IFT43: variants seen among roughly 807,000 people sequenced by gnomAD.
The protein encoded by IFT43 is intraflagellar transport protein 43 homolog.
Under a neutral mutation model 32.3 loss-of-function variants are expected in IFT43, and 33 were observed. That is an observed-to-expected ratio of 1.02 (90% CI 0.77 to 1.37). The LOEUF is 1.37. Among genes scored for constraint, IFT43 ranks in the 40% most tolerant of loss-of-function variants. IFT43 has a pLI of 0.00. For synonymous variants in IFT43, 93 were observed against 98.2 expected (o/e 0.95, Z 0.31); for missense variants, 274 against 265.9 (o/e 1.03, Z -0.21).
downstream of IFT43, chr14:76,083,835 C>G (rs1458990324): frequency 6.4e-6 from 4 of 620,884 alleles, no homozygotes; most frequent in Non-Finnish European, 1.2e-5. Context: ...TCAGAACTCG[C>G]GGCCTTGTTG....
intron 3 of IFT43, among the ~76,000 whole-genome samples, chr14:76,048,894 A>G (rs1474342463): frequency 1.3e-5 from 2 of 152,224 alleles, no homozygotes; most frequent in African/African-American, 2.4e-5. Context: ...CATGCCAGCA[A>G]CCAGAACTGA....
intron 5 of IFT43, among the ~76,000 whole-genome samples, chr14:76,079,325 T>C (rs2037466670): frequency 6.6e-6 from 1 of 152,246 alleles, no homozygotes; most frequent in African/African-American, 2.4e-5. Flanking sequence ...TATGTAATAT[T>C]ATAATATCGG....
intron 3 of IFT43, among the ~76,000 whole-genome samples, chr14:76,052,128 A>G (rs1369231876): frequency 6.6e-6 from 1 of 151,982 alleles, no homozygotes; most frequent in African/African-American, 2.4e-5. Flanking sequence ...AAGAGACTTC[A>G]AGGACGCTTC....
intron 3 of IFT43, among the ~76,000 whole-genome samples, chr14:76,028,132 C>A (rs2036439823): frequency 6.6e-6 from 1 of 151,874 alleles, no homozygotes; most frequent in Admixed American, 6.6e-5. Flanking sequence ...TCAGCTGATC[C>A]CTTGGTTGGC....
At chr14:76,036,693 C>T (rs1366157656) in intron 3 of IFT43, among the ~76,000 whole-genome samples, 1 of 152,174 alleles carries the variant, frequency 6.6e-6, no homozygotes, top group Non-Finnish European at 1.5e-5. Context: ...GCGTGAGCCA[C>T]CATGCCTGGC....
At chr14:76,011,951 A>G (rs1258538648) in intron 2 of IFT43, among the ~76,000 whole-genome samples, 1 of 152,194 alleles carries the variant, frequency 6.6e-6, no homozygotes, top group Non-Finnish European at 1.5e-5. Flanking sequence ...CATATAAAGA[A>G]CAACTTTCTT....
At chr14:75,995,139 A>T (rs946357556) in intron 2 of IFT43, among the ~76,000 whole-genome samples, 1 of 152,136 alleles carries the variant, frequency 6.6e-6, no homozygotes, top group Non-Finnish European at 1.5e-5. Context: ...TCTTATCATC[A>T]TGTTGTACAT....
chr14:76,001,468 T>C (rs1469070994), intron 2 of IFT43, among the ~76,000 whole-genome samples: 1 of 152,122 alleles, frequency 6.6e-6, no homozygotes, highest in Non-Finnish European at 1.5e-5. Context: ...AGGCATGCGA[T>C]ATAGATTTGA....
intron 3 of IFT43, among the ~76,000 whole-genome samples, chr14:76,042,611 G>A (rs1166089976): frequency 6.6e-6 from 1 of 152,264 alleles, no homozygotes; most frequent in Non-Finnish European, 1.5e-5. Context: ...GGTGAGTGCA[G>A]AGGATGCAGC....
intron 2 of IFT43, chr14:76,013,846 TCCAGCAGAGTA>T (rs1285027993): frequency 4.0e-6 from 1 of 251,832 alleles, no homozygotes. Context: ...AGATCAGATT[TCCAGCAGAGTA>T]CCCATTTAAA....
At chr14:76,002,863 T>C (rs1274743519) in intron 2 of IFT43, among the ~76,000 whole-genome samples, 1 of 152,224 alleles carries the variant, frequency 6.6e-6, no homozygotes, top group African/African-American at 2.4e-5. Flanking sequence ...TTGAAAGAGC[T>C]GCGAGAGCAA....
At chr14:75,989,106 G>T in intron 2 of IFT43, 129 bp downstream of exon 2, 1 of 1,192,096 alleles carries the variant, frequency 8.4e-7, no homozygotes, top group Non-Finnish European at 1.2e-6. Flanking sequence ...CTTGATTTGG[G>T]AATTCCCTTC....
At chr14:76,067,591 A>AAC (rs1400252479) in intron 5 of IFT43, among the ~76,000 whole-genome samples, 1 of 151,888 alleles carries the variant, frequency 6.6e-6, no homozygotes, top group Non-Finnish European at 1.5e-5. Context: ...AAAAAAAAAA[A>AAC]AGAGAGAAGG....
chr14:76,051,911 C>G (rs901079796), intron 3 of IFT43, among the ~76,000 whole-genome samples: 7 of 152,164 alleles, frequency 4.6e-5, no homozygotes, highest in African/African-American at 1.4e-4. Context: ...GCGTTTCTTT[C>G]ACCTGCAACA....
chr14:76,077,188 A>C (rs561117668), intron 5 of IFT43, among the ~76,000 whole-genome samples: 1 of 150,460 alleles, frequency 6.6e-6, no homozygotes, highest in South Asian at 2.1e-4. Flanking sequence ...CTTTGTCTCC[A>C]CACATCCCTT....
chr14:76,045,164 C>T (rs747080782), intron 3 of IFT43, among the ~76,000 whole-genome samples: 2 of 152,152 alleles, frequency 1.3e-5, no homozygotes, highest in Non-Finnish European at 2.9e-5. Flanking sequence ...CTTAAGGGCT[C>T]ACTCATCCTC....
chr14:76,041,256 A>G (rs956944868), intron 3 of IFT43, among the ~76,000 whole-genome samples: 4 of 152,252 alleles, frequency 2.6e-5, no homozygotes, highest in Non-Finnish European at 5.9e-5. Flanking sequence ...CAGCAGGTCA[A>G]TTATTGGAGC....
chr14:75,991,865 AG>A (rs1393537894), intron 2 of IFT43, among the ~76,000 whole-genome samples: 1 of 152,198 alleles, frequency 6.6e-6, no homozygotes, highest in Non-Finnish European at 1.5e-5. Context: ...AGGTTTAAAC[AG>A]TGTGGGCAGC....
chr14:75,988,187 G>A (rs1002715867), intron 1 of IFT43, among the ~76,000 whole-genome samples: 2 of 152,066 alleles, frequency 1.3e-5, no homozygotes, highest in Non-Finnish European at 1.5e-5. Flanking sequence ...GTCCAGCCTG[G>A]GCAGCACAGG....
Sources: gnomAD v4.1 joint callset for allele counts (sites outside exome capture counted in the v4.1 genomes callset) on GRCh38, gnomAD v4.1.1 for gene constraint, MANE v1.5 for transcripts, NCBI Gene and HGNC (gene_info 2026-07-23, HGNC 2026-07-21) for gene names.